NPAS3: variants seen among roughly 807,000 people sequenced by gnomAD.
NPAS3 encodes the protein neuronal PAS domain-containing protein 3.
In NPAS3, 14 loss-of-function variants were observed where a neutral mutation model predicts 73.1. The ratio of observed to expected loss-of-function variants is 0.19; its 90% CI spans 0.13 to 0.30. The LOEUF is 0.30. Ranked by LOEUF, NPAS3 falls within the 10% of genes least tolerant of loss-of-function variation. The probability of loss-of-function intolerance (pLI) is 1.00; values close to 1 mark genes in which losing one functional copy is unlikely to be tolerated. For synonymous variants in NPAS3, 620 were observed against 541.5 expected, an observed-to-expected ratio of 1.14 and a Z score of -2.01; for missense variants, 1,096 against 1,250.0, an observed-to-expected ratio of 0.88 and a Z score of 1.86.
At chr14:33,111,231 C>G (rs1452352882) in intron 2 of NPAS3, among the ~76,000 whole-genome samples, 2 of 152,206 alleles carry the variant, frequency 1.3e-5, no homozygotes, top group Non-Finnish European at 2.9e-5. Context: ...CATGCAGTCT[C>G]TTTGAATGTC....
At chr14:33,220,615 T>C (rs2047388894) in intron 3 of NPAS3, among the ~76,000 whole-genome samples, 1 of 152,180 alleles carries the variant, frequency 6.6e-6, no homozygotes, top group South Asian at 2.1e-4. Context: ...AGGAAGGGCT[T>C]TCTGACAATT....
intron 4 of NPAS3, among the ~76,000 whole-genome samples, chr14:33,458,145 A>G (rs955399336): frequency 6.6e-6 from 1 of 152,234 alleles, no homozygotes; most frequent in Non-Finnish European, 1.5e-5. Flanking sequence ...TTTGCTCAAG[A>G]AAAGAGCATT....
At chr14:33,118,259 T>A (rs900276827) in intron 2 of NPAS3, among the ~76,000 whole-genome samples, 4 of 152,128 alleles carry the variant, frequency 2.6e-5, no homozygotes, top group African/African-American at 9.6e-5. Flanking sequence ...TCAACAAGTA[T>A]CTTTAGCTAT....
intron 2 of NPAS3, among the ~76,000 whole-genome samples, chr14:33,157,868 A>G (rs896338347): frequency 4.6e-5 from 7 of 152,290 alleles, no homozygotes; most frequent in Admixed American, 1.3e-4. Context: ...GGGGATGTCA[A>G]TAGTCCTTCA....
At chr14:33,068,947 G>A (rs984702331) in intron 2 of NPAS3, among the ~76,000 whole-genome samples, 8 of 152,130 alleles carry the variant, frequency 5.3e-5, no homozygotes, top group East Asian at 1.9e-4. Flanking sequence ...CGGGATGCTG[G>A]CGGGCCAGGG....
At chr14:33,165,299 T>G (rs557728130) in intron 2 of NPAS3, among the ~76,000 whole-genome samples, 19 of 151,754 alleles carry the variant, frequency 1.3e-4, no homozygotes, top group Non-Finnish European at 2.2e-4. Flanking sequence ...GGTTGGACTA[T>G]GGTGTGTGAG....
At chr14:33,028,347 A>G (rs1035942220) in intron 1 of NPAS3, among the ~76,000 whole-genome samples, 1 of 152,202 alleles carries the variant, frequency 6.6e-6, no homozygotes, top group Non-Finnish European at 1.5e-5. Context: ...AACCCCAGCT[A>G]TTCCCTATTT....
At chr14:33,470,951 A>AT (rs1345929939) in intron 4 of NPAS3, among the ~76,000 whole-genome samples, 2 of 151,282 alleles carry the variant, frequency 1.3e-5, no homozygotes, top group Admixed American at 6.6e-5. Flanking sequence ...AAAAAAAAGA[A>AT]TGTTCTCTTT....
chr14:33,016,615 GAA>G (rs10597224), intron 1 of NPAS3, among the ~76,000 whole-genome samples: 63,030 of 126,048 alleles, frequency 0.5, 17,130 homozygotes, highest in Non-Finnish European at 0.64. Flanking sequence ...AGAAAAAAAG[GAA>G]AAAAAAAAAA....
chr14:33,548,988 C>T (rs145824456), intron 4 of NPAS3, among the ~76,000 whole-genome samples: 130 of 152,282 alleles, frequency 8.5e-4, no homozygotes, highest in African/African-American at 2.9e-3. Flanking sequence ...AATGTTTCAT[C>T]CCCAGTTAGT....
chr14:33,195,354 T>A (rs913063724), intron 2 of NPAS3, among the ~76,000 whole-genome samples: 2 of 152,098 alleles, frequency 1.3e-5, no homozygotes, highest in African/African-American at 4.8e-5. Flanking sequence ...CACTGCAACC[T>A]CCACCTCCTG....
rs375494846 is a variant in NPAS3, at chr14:33,398,866, A to G, written c.468+31598A>G. Among the ~76,000 whole-genome samples the G allele has an allele frequency of 3.9e-5, 6 of 152,046 alleles. No homozygotes were observed. The East Asian group carries it at 9.6e-4, about 24-fold the overall frequency. On this transcript the variant is annotated intron_variant, in intron 4 of 11. Coordinates refer to ENST00000356141, the Ensembl canonical transcript of NPAS3. ...ACATAAACTCTCTATTTGAGTACAA[A>G]GTCATTTTTTTTTATTCTAAGGGGC...
At chr14:33,132,184 G>A (rs954234712) in intron 2 of NPAS3, among the ~76,000 whole-genome samples, 1 of 152,152 alleles carries the variant, frequency 6.6e-6, no homozygotes, top group Non-Finnish European at 1.5e-5. Flanking sequence ...CCTTGGATTA[G>A]GCAATGGAAG....
In NPAS3 at chr14:33,771,860, T is replaced by C. The variant is rs550948381; in HGVS notation, c.853-2477T>C. ...TATCTATTTCTAATGTTTCATTCAA[T>C]GTGAATATGCACACAGGTATAACTA... is the stretch of plus-strand genomic sequence containing the variant. On this transcript the variant is annotated intron_variant, in intron 7 of 11. Coordinates refer to ENST00000356141, the Ensembl canonical transcript of NPAS3. Among the ~76,000 whole-genome samples, 11 of 152,246 alleles carry C rather than the reference T, an allele frequency of 7.2e-5. No individual in the cohort carries two copies. In the East Asian group the frequency reaches 1.9e-3, roughly 27 times the overall value.
intron 2 of NPAS3, among the ~76,000 whole-genome samples, chr14:33,088,235 G>A (rs1235680656): frequency 6.6e-6 from 1 of 152,224 alleles, no homozygotes; most frequent in African/African-American, 2.4e-5. Context: ...GAAGCAGGGA[G>A]AGGCATCACC....
chr14:33,609,318 ATGT>A (rs895668828), intron 5 of NPAS3, among the ~76,000 whole-genome samples: 5 of 152,292 alleles, frequency 3.3e-5, no homozygotes, highest in African/African-American at 7.2e-5. Context: ...AAATACAAAA[ATGT>A]TGTTGGTGTT....
At chr14:33,325,849 C>A (rs1278292125) in intron 3 of NPAS3, among the ~76,000 whole-genome samples, 1 of 151,620 alleles carries the variant, frequency 6.6e-6, no homozygotes, top group Non-Finnish European at 1.5e-5. Flanking sequence ...GGCAAAAGAT[C>A]ACCTTTTCAA....
At chr14:33,541,127 GCATGCACACACACACATTA>G (rs1566985404) in intron 4 of NPAS3, among the ~76,000 whole-genome samples, 1 of 149,914 alleles carries the variant, frequency 6.7e-6, no homozygotes, top group Admixed American at 6.6e-5. Flanking sequence ...GTGTGTGTGT[GCATGCACACACACACATTA>G]GTAATAGGAA....
intron 5 of NPAS3, among the ~76,000 whole-genome samples, chr14:33,591,966 G>C (rs141180522): frequency 6.6e-6 from 1 of 152,124 alleles, no homozygotes; most frequent in Admixed American, 6.5e-5. Context: ...GTACCTTGTC[G>C]CTTGTTTTAT....
Sources: gnomAD v4.1 joint callset for allele counts (sites outside exome capture counted in the v4.1 genomes callset) on GRCh38, gnomAD v4.1.1 for gene constraint, MANE v1.5 for transcripts, NCBI Gene and HGNC (gene_info 2026-07-23, HGNC 2026-07-21) for gene names.